ADAM22: variants seen among roughly 807,000 people sequenced by gnomAD.
ADAM22 encodes the protein ADAM metallopeptidase domain 22.
A neutral mutation model predicts 144.6 loss-of-function variants in ADAM22; 65 were observed. The ratio of observed to expected loss-of-function variants is 0.45; its 90% CI spans 0.37 to 0.55. The LOEUF (loss-of-function observed/expected upper bound fraction) is 0.55. Ranked by LOEUF, ADAM22 falls within the 20% of genes least tolerant of loss-of-function variation. The pLI, the probability that ADAM22 is intolerant of heterozygous loss-of-function variation, is 0.00. For missense variants in ADAM22, 974 were observed against 1,184.9 expected, an observed-to-expected ratio of 0.82 and a Z score of 2.61; for synonymous variants, 391 against 412.6, an observed-to-expected ratio of 0.95 and a Z score of 0.63.
chr7:87,961,026 T>C (rs1623535), intron 2 of ADAM22, among the ~76,000 whole-genome samples: 84,296 of 151,972 alleles, frequency 0.55, 23,827 homozygotes, highest in African/African-American at 0.62. Flanking sequence ...TTATATGGTA[T>C]GTTCAAAGGT....
At chr7:88,188,402 CCT>C (rs1434181633) in intron 30 of ADAM22, among the ~76,000 whole-genome samples, 1 of 152,062 alleles carries the variant, frequency 6.6e-6, no homozygotes, top group Non-Finnish European at 1.5e-5. Flanking sequence ...CTTCAGCACC[CCT>C]GATTGCACGT....
At chr7:88,078,315 A>G (rs1815297197) in intron 4 of ADAM22, among the ~76,000 whole-genome samples, 1 of 152,278 alleles carries the variant, frequency 6.6e-6, no homozygotes, top group African/African-American at 2.4e-5. Flanking sequence ...GAAAACTAAC[A>G]GAAAGGACAC....
intron 26 of ADAM22, among the ~76,000 whole-genome samples, chr7:88,174,254 G>C (rs1230777005): frequency 1.3e-5 from 2 of 152,110 alleles, no homozygotes; most frequent in Non-Finnish European, 2.9e-5. Flanking sequence ...CAGATGTGAA[G>C]CAGACCCACG....
chr7:88,183,136 C>T (rs1346553969), intron 29 of ADAM22, among the ~76,000 whole-genome samples: 1 of 152,124 alleles, frequency 6.6e-6, no homozygotes, highest in Non-Finnish European at 1.5e-5. Context: ...CAAGTGATAC[C>T]ATTGCATGGT....
intron 3 of ADAM22, among the ~76,000 whole-genome samples, chr7:88,057,210 T>C (rs1184036964): frequency 6.6e-6 from 1 of 152,172 alleles, no homozygotes; most frequent in Non-Finnish European, 1.5e-5. Context: ...TCCTCCTGTA[T>C]TGGCCTCCCA....
chr7:88,039,470 T>TAG (rs1802530241), intron 3 of ADAM22, among the ~76,000 whole-genome samples: 1 of 85,866 alleles, frequency 1.2e-5, no homozygotes, highest in East Asian at 4.4e-4. Flanking sequence ...AAAAAATATA[T>TAG]ATATATATAT....
rs758654070 is a variant in ADAM22, at chr7:88,075,702, A to G, written c.390+10A>G. On this transcript the variant is annotated intron_variant, in intron 4 of 31. Transcript: ENST00000413139. ...GACTGTGGAAGTTAAAGTAAGTGAA[A>G]TTTTCCTACTTGTGGGGAAATTTGT... is the stretch of plus-strand genomic sequence containing the variant. 6.2e-7 allele frequency: 1 copy of G among 1,609,388 alleles called. No homozygotes were observed. Among genetic ancestry groups the G allele is most frequent in the Non-Finnish European group, 8.5e-7 (1 of 1,176,478 alleles).
rs757975588 is a variant in ADAM22 at position 87,935,088 on chromosome 7, A to G, written c.148A>G (p.Ile50Val). The G allele has an allele frequency of 3.1e-6, 5 of 1,614,008 alleles. No individual in the cohort carries two copies. The Admixed American group carries it at 6.7e-5, about 22-fold the overall frequency. Residue 50 changes from isoleucine (I) to valine (V), a missense_variant, in exon 2 of 32, where the codon ATC becomes GTC. Ile to Val is a conservative substitution (Grantham distance 29, BLOSUM62 3). Transcript: ENST00000413139. ...AAACCGCTTCGTGGAGCGCCAGAGC[A>G]TCGTGCCACTGCGCCTCATCTACCG... is the stretch of plus-strand genomic sequence containing the variant. ...KENRFVERQS[I>V]VPLRLIYRSG...
intron 17 of ADAM22, among the ~76,000 whole-genome samples, chr7:88,146,208 T>A (rs981782303): frequency 6.6e-6 from 1 of 152,196 alleles, no homozygotes; most frequent in African/African-American, 2.4e-5. Flanking sequence ...CTCACTTTAC[T>A]CTGTACATTT....
intron 29 of ADAM22, among the ~76,000 whole-genome samples, chr7:88,182,306 G>A (rs1455171648): frequency 6.6e-6 from 1 of 151,982 alleles, no homozygotes. Context: ...CTATATGAAG[G>A]GAATTTGATA....
intron 3 of ADAM22, among the ~76,000 whole-genome samples, chr7:87,982,542 T>C (rs1853817751): frequency 6.6e-6 from 1 of 151,168 alleles, no homozygotes; most frequent in South Asian, 2.1e-4. Context: ...TAGGGCCTTG[T>C]AGGCAACAGA....
Position 87,989,542 on chromosome 7 carries a change from C to A in ADAM22, c.323+11130C>A, listed in dbSNP as rs4728720. On this transcript the variant is annotated intron_variant, in intron 3 of 31. Transcript: ENST00000413139. ...TAGTATTCATACTCATGCTATATAG[C>A]CTGGTTAGTAGAAAACTAATTACAT... Among the ~76,000 whole-genome samples the A allele has an allele frequency of 3.9e-3, 590 of 152,234 alleles. 14 individuals carry two copies. In the East Asian group the frequency reaches 0.059, roughly 15 times the overall value.
At chr7:88,135,700 T>C (rs1832851362) in intron 13 of ADAM22, among the ~76,000 whole-genome samples, 1 of 152,212 alleles carries the variant, frequency 6.6e-6, no homozygotes, top group Non-Finnish European at 1.5e-5. Flanking sequence ...TATTTGATTG[T>C]CTTTCATTTA....
chr7:87,958,260 A>G (rs1349870425), intron 2 of ADAM22, among the ~76,000 whole-genome samples: 1 of 152,180 alleles, frequency 6.6e-6, no homozygotes, highest in Non-Finnish European at 1.5e-5. Flanking sequence ...TTCCCTGTAT[A>G]TTGCCAAATC....
At chr7:87,944,838 T>G (rs963156191) in intron 2 of ADAM22, among the ~76,000 whole-genome samples, 65 of 151,702 alleles carry the variant, frequency 4.3e-4, no homozygotes, top group Middle Eastern at 3.4e-3. Context: ...TTTGTTTTTT[T>G]TTTTTTAGTC....
At chr7:88,131,209 C>G (rs1586013581) in intron 10 of ADAM22, 60 bp from the exon 11 acceptor site, 3 of 1,466,836 alleles carry the variant, frequency 2.0e-6, no homozygotes, top group East Asian at 4.7e-5. Flanking sequence ...TAGTCCTGTT[C>G]ATAAACTATT....
intron 4 of ADAM22, among the ~76,000 whole-genome samples, 188 bp downstream of exon 4, chr7:88,075,880 T>G (rs956281569): frequency 3.3e-5 from 5 of 152,188 alleles, no homozygotes; most frequent in Non-Finnish European, 7.3e-5. Context: ...GAAAAAGAAT[T>G]TTTAGGGTAC....
intron 20 of ADAM22, among the ~76,000 whole-genome samples, chr7:88,151,547 A>C (rs996231450): frequency 2.0e-5 from 3 of 152,188 alleles, no homozygotes; most frequent in Non-Finnish European, 4.4e-5. Flanking sequence ...CGAGACAGAA[A>C]GTGCCTTTGC....
At chr7:87,958,060 C>T (rs542622066) in intron 2 of ADAM22, among the ~76,000 whole-genome samples, 5 of 152,186 alleles carry the variant, frequency 3.3e-5, no homozygotes, top group Non-Finnish European at 5.9e-5. Flanking sequence ...TTTATTGCTG[C>T]CTGCCTTCCC....
Sources: allele counts gnomAD v4.1 joint callset (sites outside exome capture counted in the v4.1 genomes callset), GRCh38; gene constraint gnomAD v4.1.1; transcripts MANE v1.5; gene names NCBI Gene and HGNC (gene_info 2026-07-23, HGNC 2026-07-21).